The following NBEA variants were observed in gnomAD, a reference collection of about 807,000 sequenced individuals.
NBEA encodes neurobeachin.
Under a neutral mutation model 343.4 loss-of-function variants are expected in NBEA, and 44 were observed. The ratio of observed to expected loss-of-function variants is 0.13; its 90% CI spans 0.10 to 0.16. NBEA has a LOEUF of 0.16. Ranked by LOEUF, NBEA falls within the 10% of genes least tolerant of loss-of-function variation. The pLI, the probability that NBEA is intolerant of heterozygous loss-of-function variation, is 1.00. For synonymous variants in NBEA, 1,175 were observed against 1,238.7 expected (o/e 0.95, Z 1.08); for missense variants, 2,555 against 3,631.3 (o/e 0.70, Z 7.62).
chr13:34,954,820 GA>G (rs1309235936), intron 1 of NBEA, among the ~76,000 whole-genome samples: 36 of 151,980 alleles, frequency 2.4e-4, no homozygotes, highest in African/African-American at 8.0e-4. Context: ...GAAGTGACAA[GA>G]AAAAATGTAC....
intron 38 of NBEA, among the ~76,000 whole-genome samples, chr13:35,360,587 T>C (rs2040755069): frequency 6.6e-6 from 1 of 152,048 alleles, no homozygotes. Context: ...AGCACCTTTA[T>C]TATCATCTTC....
At chr13:35,191,291 T>C (rs1341855940) in intron 30 of NBEA, among the ~76,000 whole-genome samples, 1 of 152,074 alleles carries the variant, frequency 6.6e-6, no homozygotes, top group Admixed American at 6.6e-5. Flanking sequence ...TATATATGTC[T>C]AAAAAGCTCA....
chr13:35,560,758 G>A (rs2079821915), intron 44 of NBEA, among the ~76,000 whole-genome samples: 1 of 152,132 alleles, frequency 6.6e-6, no homozygotes, highest in Non-Finnish European at 1.5e-5. Context: ...CAGACTCCTG[G>A]GAAGGAGACA....
intron 10 of NBEA, among the ~76,000 whole-genome samples, chr13:35,093,495 G>A (rs1246642745): frequency 1.3e-5 from 2 of 151,940 alleles, no homozygotes; most frequent in Non-Finnish European, 2.9e-5. Context: ...CACTTCTAGT[G>A]TATGTTAATC....
At position 35,671,158 on chromosome 13, in the gene NBEA, G is replaced by A. The variant is rs1593533663; in HGVS notation, c.*167G>A. 1.8e-6 allele frequency: 1 copy of A among 560,814 alleles called. No individual in the cohort carries two copies. Among genetic ancestry groups the A allele is most frequent in the South Asian group, 2.6e-5 (1 of 39,010 alleles). 34.7% of individuals were successfully genotyped at this position (560,814 alleles called of 1,614,324 possible). ...AGTCAGCAACCATTTTACTTTGTGT[G>A]TTTTTTCACGACTGAACACCAGCTG... On this transcript the variant is annotated 3_prime_UTR_variant, in exon 59 of 59. Coordinates refer to ENST00000379939, the MANE Select transcript of NBEA (RefSeq NM_001385012.1).
At chr13:35,254,388 A>G (rs1477213702) in intron 34 of NBEA, among the ~76,000 whole-genome samples, 1 of 146,744 alleles carries the variant, frequency 6.8e-6, no homozygotes, top group Non-Finnish European at 1.5e-5. Context: ...CAGTGGCATG[A>G]TCACAGATCA....
At chr13:35,607,326 C>T (rs2082320834) in intron 48 of NBEA, among the ~76,000 whole-genome samples, 1 of 152,050 alleles carries the variant, frequency 6.6e-6, no homozygotes, top group African/African-American at 2.4e-5. Context: ...CAGAAGAAAA[C>T]ATCATTATTT....
At chr13:35,202,679 A>T (rs911081851) in intron 31 of NBEA, among the ~76,000 whole-genome samples, 15 of 152,108 alleles carry the variant, frequency 9.9e-5, no homozygotes, top group Non-Finnish European at 1.9e-4. Flanking sequence ...CCTGGCATTA[A>T]ATAGCATCTG....
intron 1 of NBEA, among the ~76,000 whole-genome samples, chr13:35,038,176 G>T (rs1004179923): frequency 6.6e-6 from 1 of 152,142 alleles, no homozygotes; most frequent in African/African-American, 2.4e-5. Flanking sequence ...AGTACTGCCA[G>T]AGTACCACCG....
chr13:35,023,999 C>G (rs1438226508), intron 1 of NBEA, among the ~76,000 whole-genome samples: 1 of 152,080 alleles, frequency 6.6e-6, no homozygotes, highest in African/African-American at 2.4e-5. Flanking sequence ...TCAGGTAGGC[C>G]CTGGTGTCTG....
chr13:35,018,023 A>G (rs1268184814), intron 1 of NBEA, among the ~76,000 whole-genome samples: 1 of 152,050 alleles, frequency 6.6e-6, no homozygotes, highest in African/African-American at 2.4e-5. Flanking sequence ...ACATCAATTG[A>G]TCATCTATTG....
At chr13:35,099,176 C>T (rs1202181583) in intron 11 of NBEA, among the ~76,000 whole-genome samples, 13 of 150,340 alleles carry the variant, frequency 8.6e-5, no homozygotes, top group Non-Finnish European at 1.6e-4. Context: ...ATCACAGGCG[C>T]GCACCACCAT....
intron 2 of NBEA, 126 bp downstream of exon 2, chr13:35,041,290 T>G (rs1168232558): frequency 1.5e-5 from 13 of 840,472 alleles, no homozygotes; most frequent in Non-Finnish European, 2.3e-5. Context: ...TGGAAATGTG[T>G]GGAAATTTTA....
intron 38 of NBEA, among the ~76,000 whole-genome samples, chr13:35,397,701 G>C: frequency 6.6e-6 from 1 of 152,058 alleles, no homozygotes; most frequent in Non-Finnish European, 1.5e-5. Flanking sequence ...GAATTTTTTG[G>C]TTTCCGAGTT....
At chr13:35,572,713 T>G (rs2080496474) in intron 45 of NBEA, among the ~76,000 whole-genome samples, 1 of 150,260 alleles carries the variant, frequency 6.7e-6, no homozygotes, top group African/African-American at 2.5e-5. Flanking sequence ...GCAAGTTGGG[T>G]TTGTTGTTGT....
chr13:35,416,368 C>G lies in NBEA; in HGVS notation c.6180-15901C>G, dbSNP rs561748956. On this transcript the variant is annotated intron_variant, in intron 38 of 58. Transcript: ENST00000379939. ...CCCATTCAGTATGATAGTGAGTGCT[C>G]TTATTATTTTGAAACACATCATAAA... Among the ~76,000 whole-genome samples, 5 of 151,294 alleles carry G rather than the reference C, an allele frequency of 3.3e-5. No homozygotes were observed. In the East Asian group the frequency reaches 9.7e-4, roughly 29 times the overall value.
chr13:35,113,270 C>T (rs1441327734), intron 13 of NBEA, among the ~76,000 whole-genome samples: 3 of 152,018 alleles, frequency 2.0e-5, no homozygotes, highest in Non-Finnish European at 4.4e-5. Flanking sequence ...TGTATCATGT[C>T]AAGGAGGCAC....
At chr13:35,327,935 A>G (rs117094588) in intron 36 of NBEA, among the ~76,000 whole-genome samples, 4,522 of 152,048 alleles carry the variant, frequency 0.03, 100 homozygotes, top group Non-Finnish European at 0.045. Context: ...TCAGCAAACT[A>G]CAAATTAAGT....
At chr13:35,038,608 C>T (rs1336437638) in intron 1 of NBEA, among the ~76,000 whole-genome samples, 1 of 152,128 alleles carries the variant, frequency 6.6e-6, no homozygotes, top group Non-Finnish European at 1.5e-5. Context: ...GGGTCCTTTC[C>T]TTCAAGGCAG....
Sources: gnomAD v4.1 joint callset for allele counts (sites outside exome capture counted in the v4.1 genomes callset) on GRCh38, gnomAD v4.1.1 for gene constraint, MANE v1.5 for transcripts, NCBI Gene and HGNC (gene_info 2026-07-23, HGNC 2026-07-21) for gene names.